Variants in RPH3AL observed in about 807,000 individuals in gnomAD.
RPH3AL encodes rabphilin 3A like (without C2 domains).
RPH3AL carries 38 observed loss-of-function variants against 43.1 expected under a neutral mutation model. That is an observed-to-expected ratio of 0.88 (90% CI 0.68 to 1.15). RPH3AL has a LOEUF of 1.15. RPH3AL is among the 50% of genes most tolerant of loss of function. The pLI, the probability that RPH3AL is intolerant of heterozygous loss-of-function variation, is 0.00. For missense variants in RPH3AL, 462 were observed against 423.2 expected, an observed-to-expected ratio of 1.09 and a Z score of -0.81; for synonymous variants, 189 against 176.3, an observed-to-expected ratio of 1.07 and a Z score of -0.57.
chr17:303,525 G>C (rs938965146), intron 5 of RPH3AL, among the ~76,000 whole-genome samples: 1 of 130,848 alleles, frequency 7.6e-6, no homozygotes, highest in African/African-American at 2.8e-5. Flanking sequence ...AGCAGTGACC[G>C]TGTTTCAGGA....
chr17:221,479 A>G (rs796069014), intron 7 of RPH3AL, among the ~76,000 whole-genome samples: 4 of 65,750 alleles, frequency 6.1e-5, no homozygotes, highest in African/African-American at 8.4e-5. Context: ...GAGACAATAG[A>G]CCCAAGCACA....
intron 5 of RPH3AL, among the ~76,000 whole-genome samples, chr17:314,461 CTCTATGCCCCCACCTCCATTGA>C (rs1419381065): frequency 1.0e-3 from 150 of 147,000 alleles, no homozygotes; most frequent in Middle Eastern, 3.5e-3. Context: ...GACCTGTAGT[CTCTATGCCCCCACCTCCATTGA>C]CCTGTAGTCC....
intron 6 of RPH3AL, among the ~76,000 whole-genome samples, chr17:252,708 T>G (rs1478495897): frequency 3.9e-5 from 6 of 152,194 alleles, no homozygotes; most frequent in Admixed American, 3.9e-4. Context: ...GTTATTGCCT[T>G]AGGAAAGACG....
intron 5 of RPH3AL, among the ~76,000 whole-genome samples, chr17:315,268 T>G (rs374310067): frequency 1.3e-4 from 16 of 123,928 alleles, no homozygotes; most frequent in African/African-American, 4.9e-4. Flanking sequence ...CCCACCTCCA[T>G]TGACCTGTAG....
At chr17:321,442 T>G in intron 3 of RPH3AL, 27 bp from the exon 4 acceptor site, 3 of 1,551,740 alleles carry the variant, frequency 1.9e-6, no homozygotes, top group Non-Finnish European at 2.6e-6. Flanking sequence ...ACAGACGGCG[T>G]GGAGGCCTCC....
chr17:250,741 C>A (rs1475856132), intron 6 of RPH3AL, among the ~76,000 whole-genome samples: 3 of 149,452 alleles, frequency 2.0e-5, no homozygotes, highest in African/African-American at 7.6e-5. Flanking sequence ...CCCTGTGGGA[C>A]CTCTCAGAGC....
chr17:237,226 CCA>C (rs2041420437), intron 7 of RPH3AL, among the ~76,000 whole-genome samples: 1 of 152,246 alleles, frequency 6.6e-6, no homozygotes, highest in African/African-American at 2.4e-5. Context: ...ACAAAAAGGA[CCA>C]CAGTTTGGAA....
chr17:296,664 TG>T (rs2043188515), intron 5 of RPH3AL, among the ~76,000 whole-genome samples: 1 of 152,134 alleles, frequency 6.6e-6, no homozygotes, highest in African/African-American at 2.4e-5. Flanking sequence ...TGAGGGGCTG[TG>T]GGGGCAGTCA....
chr17:260,852 C>T (rs7212156), intron 6 of RPH3AL, among the ~76,000 whole-genome samples: 91,882 of 151,888 alleles, frequency 0.6, 27,938 homozygotes, highest in South Asian at 0.69. Context: ...CTGCTCTCAC[C>T]GCCTTGACCA....
intron 6 of RPH3AL, among the ~76,000 whole-genome samples, chr17:272,987 C>CATCAGGAAGAGACCCCAGCGAGGGCGAT (rs2042528850): frequency 8.9e-6 from 1 of 112,384 alleles, no homozygotes; most frequent in Non-Finnish European, 2.1e-5. Context: ...GCAAGGGCTA[C>CATCAGGAAGAGACCCCAGCGAGGGCGAT]GTCAGGGTGA....
Position 213,587 on chromosome 17 carries a change from G to C in RPH3AL, c.*265C>G, listed in dbSNP as rs150644697. 9.4e-4 allele frequency: 533 copies of C among 566,242 alleles called. 6 individuals are homozygous for C. Among genetic ancestry groups the C allele is most frequent in the African/African-American group, 8.5e-3 (449 of 53,022 alleles). 35.1% of individuals were successfully genotyped at this position (566,242 alleles called of 1,614,324 possible). On this transcript the variant is annotated 3_prime_UTR_variant, in exon 10 of 10. Transcript: ENST00000331302. ...GCAAACTTAAAATCATCACCAGGTA[G>C]ATTGGGGGTGTGGGAGGGGAGGGTA...
At chr17:286,561 A>G (rs182842490) in intron 5 of RPH3AL, among the ~76,000 whole-genome samples, 23 of 152,316 alleles carry the variant, frequency 1.5e-4, no homozygotes, top group Admixed American at 1.4e-3. Context: ...GCCTCTTCCA[A>G]TGGGCTCGGT....
chr17:232,323 G>T (rs2041248231), intron 7 of RPH3AL, among the ~76,000 whole-genome samples: 3 of 152,212 alleles, frequency 2.0e-5, no homozygotes, highest in Admixed American at 6.5e-5. Flanking sequence ...ACGAAATAAC[G>T]GAGACGCACA....
chr17:272,136 G>C (rs1339429615), intron 6 of RPH3AL, among the ~76,000 whole-genome samples: 1 of 152,148 alleles, frequency 6.6e-6, no homozygotes, highest in Non-Finnish European at 1.5e-5. Context: ...GGAGAAATAG[G>C]AACAATTTTA....
chr17:315,185 A>G lies in RPH3AL; in HGVS notation c.351+4235T>C, dbSNP rs1270478190. ...TGTGCCCCCACCTCCATTCACCTGT[A>G]GTCCCTGTGCTCCACCTCCATTCAC... On this transcript the variant is annotated intron_variant, in intron 5 of 9. Transcript: ENST00000331302. 2.3e-3 allele frequency among the ~76,000 whole-genome samples: 61 copies of G among 27,006 alleles called. 2 individuals are homozygous for G. The highest frequency in any genetic ancestry group is 3.9e-3 in the African/African-American group (34 of 8,718). 17.7% of individuals were successfully genotyped at this position (27,006 alleles called of 152,430 possible). A position where few individuals can be genotyped will look rare whatever the true frequency, so the allele number is the denominator to read the frequency against.
intron 5 of RPH3AL, among the ~76,000 whole-genome samples, chr17:314,791 G>C (rs1201822296): frequency 2.6e-5 from 4 of 151,296 alleles, no homozygotes; most frequent in Admixed American, 6.6e-5. Flanking sequence ...CCATTGACCT[G>C]TAGTCCCTGT....
chr17:231,184 C>G (rs940186349), intron 7 of RPH3AL, among the ~76,000 whole-genome samples: 10 of 152,228 alleles, frequency 6.6e-5, no homozygotes, highest in African/African-American at 2.4e-4. Context: ...CTCCCCAGGT[C>G]TCTCTGTCAC....
In RPH3AL at chr17:296,202, G is replaced by T. The variant is rs113381691; in HGVS notation, c.352-14348C>A. On this transcript the variant is annotated intron_variant, in intron 5 of 9. Coordinates refer to ENST00000331302, the MANE Select transcript of RPH3AL (RefSeq NM_006987.4). ...GGCAGAGGGAATGCACATCGGTGTG[G>T]GAGGGACAGAGGAGCTGCAGAAATG... Among the ~76,000 whole-genome samples the T allele has an allele frequency of 1.3e-3, 155 of 119,794 alleles. 5 individuals are homozygous for T. Among genetic ancestry groups the T allele is most frequent in the African/African-American group, 4.8e-3 (144 of 30,296 alleles). 78.6% of individuals were successfully genotyped at this position (119,794 alleles called of 152,430 possible).
intron 6 of RPH3AL, among the ~76,000 whole-genome samples, chr17:269,026 C>G (rs558685321): frequency 1.3e-5 from 2 of 152,050 alleles, no homozygotes; most frequent in East Asian, 1.9e-4. Context: ...CTACAGGCGC[C>G]CGCCACCACG....
Sources: allele counts gnomAD v4.1 joint callset (sites outside exome capture counted in the v4.1 genomes callset), GRCh38; gene constraint gnomAD v4.1.1; transcripts MANE v1.5; gene names NCBI Gene and HGNC (gene_info 2026-07-23, HGNC 2026-07-21).